Variants in STIMATE observed in about 807,000 individuals in gnomAD.
STIMATE encodes the protein STIM activating enhancer.
Under a neutral mutation model 36.7 loss-of-function variants are expected in STIMATE, and 15 were observed. The observed-to-expected ratio is 0.41, with a 90% CI of 0.27 to 0.63. STIMATE has a LOEUF of 0.63. STIMATE is among the 20% of genes least tolerant of loss of function. The probability of loss-of-function intolerance (pLI) is 0.32; values close to 1 mark genes in which losing one functional copy is unlikely to be tolerated. For synonymous variants in STIMATE, 163 were observed against 162.3 expected (o/e 1.00, Z -0.03); for missense variants, 305 against 397.3 (o/e 0.77, Z 1.98).
At chr3:52,859,975 G>C (rs11706144) in intron 1 of STIMATE, among the ~76,000 whole-genome samples, 1 of 151,200 alleles carries the variant, frequency 6.6e-6, no homozygotes, top group Non-Finnish European at 1.5e-5. Context: ...TTCTGAATCA[G>C]AGCAGAAGTG....
chr3:52,879,612 T>C (rs1701568315), intron 1 of STIMATE, among the ~76,000 whole-genome samples: 1 of 151,198 alleles, frequency 6.6e-6, no homozygotes, highest in Non-Finnish European at 1.5e-5. Context: ...AAAGGGAGAG[T>C]CTCAGTCAGA....
At chr3:52,881,463 C>T (rs1041248108) in intron 1 of STIMATE, among the ~76,000 whole-genome samples, 9 of 151,778 alleles carry the variant, frequency 5.9e-5, no homozygotes, top group African/African-American at 1.7e-4. Flanking sequence ...CCAGCACTTT[C>T]GGAGGCCAAG....
rs1464417978 is a variant in STIMATE at position 52,896,216 on chromosome 3, C to T, written c.160+1075G>A. Among the ~76,000 whole-genome samples, 3 of 152,200 alleles carry T rather than the reference C, an allele frequency of 2.0e-5. No individual in the cohort carries two copies. The East Asian group carries it at 5.8e-4, about 29-fold the overall frequency. ...CTGGACCCCACAAGACAAAGGCACA[C>T]AGCTGCAAGATCCCTCCTGAGTACC... On this transcript the variant is annotated intron_variant, in intron 1 of 7. Transcript: ENST00000355083.
intron 1 of STIMATE, among the ~76,000 whole-genome samples, chr3:52,877,886 G>C (rs1178651917): frequency 5.9e-5 from 9 of 152,136 alleles, no homozygotes; most frequent in Non-Finnish European, 1.2e-4. Flanking sequence ...ACGAGGTCAG[G>C]AGATCGAGAC....
chr3:52,849,899 A>G lies in STIMATE; in HGVS notation c.320T>C (p.Phe107Ser), dbSNP rs1400156316. Residue 107 changes from phenylalanine (F) to serine (S), a missense_variant, in exon 4 of 8, where the codon TTC becomes TCC. By Grantham distance (155) the Phe-to-Ser change is radical (BLOSUM62 -2). Coordinates refer to ENST00000355083, the MANE Select transcript of STIMATE (RefSeq NM_198563.5). ...CATGCCCACAGTGGCGTCCAGGAGGAAGTTGATGAGGTACCTGTGAGGACA... is the reference window on the plus strand; with the variant it reads ...CATGCCCACAGTGGCGTCCAGGAGGGAGTTGATGAGGTACCTGTGAGGACA... ...EDPCSLYLIN[F>S]LLDATVGMLL... 6.2e-7 allele frequency: 1 copy of G among 1,613,610 alleles called. No individual in the cohort carries two copies. The highest frequency in any genetic ancestry group is 8.5e-7 in the Non-Finnish European group (1 of 1,179,864).
At chr3:52,891,990 C>T (rs1034292376) in intron 1 of STIMATE, among the ~76,000 whole-genome samples, 1 of 152,158 alleles carries the variant, frequency 6.6e-6, no homozygotes, top group Admixed American at 6.5e-5. Context: ...TTGAGAAATG[C>T]AGAAGTTGCT....
chr3:52,875,387 A>C (rs955897910), intron 1 of STIMATE, among the ~76,000 whole-genome samples: 3 of 152,106 alleles, frequency 2.0e-5, no homozygotes, highest in Non-Finnish European at 4.4e-5. Flanking sequence ...CCCACCACAG[A>C]AGCTCATCCT....
chr3:52,843,021 C>G (rs976994015), intron 6 of STIMATE, 61 bp from the exon 7 acceptor site: 15 of 1,607,326 alleles, frequency 9.3e-6, no homozygotes, highest in East Asian at 2.2e-5. Context: ...CAAAGCCGAA[C>G]AGCCCCCATC....
intron 1 of STIMATE, among the ~76,000 whole-genome samples, chr3:52,892,463 T>G (rs986115660): frequency 1.3e-5 from 2 of 152,110 alleles, no homozygotes; most frequent in Non-Finnish European, 2.9e-5. Flanking sequence ...CAGCTTGGCA[T>G]GAAAAAAGGG....
intron 1 of STIMATE, among the ~76,000 whole-genome samples, chr3:52,885,205 T>A (rs1187098300): frequency 6.6e-6 from 1 of 152,240 alleles, no homozygotes; most frequent in Non-Finnish European, 1.5e-5. Context: ...TCATTGGCCA[T>A]TTGTATATCT....
chr3:52,886,155 C>T (rs189128173), intron 1 of STIMATE, among the ~76,000 whole-genome samples: 43 of 152,242 alleles, frequency 2.8e-4, no homozygotes, highest in Non-Finnish European at 5.0e-4. Context: ...TTCAGTGAGG[C>T]TCTCAGTCAA....
intron 1 of STIMATE, among the ~76,000 whole-genome samples, chr3:52,880,113 A>G (rs1701576693): frequency 6.6e-6 from 1 of 152,252 alleles, no homozygotes; most frequent in South Asian, 2.1e-4. Context: ...GCTCCCACTC[A>G]GAAAGGCCAA....
chr3:52,861,084 A>C (rs1701208837), intron 1 of STIMATE, among the ~76,000 whole-genome samples: 1 of 152,214 alleles, frequency 6.6e-6, no homozygotes, highest in Non-Finnish European at 1.5e-5. Context: ...AGCCAGAGCC[A>C]GGAAAGCATA....
At position 52,836,827 on chromosome 3, in the gene STIMATE, C is replaced by T. The variant is rs1436882293; in HGVS notation, c.*3667G>A. On this transcript the variant is annotated 3_prime_UTR_variant, in exon 8 of 8. Coordinates refer to ENST00000355083, the MANE Select transcript of STIMATE (RefSeq NM_198563.5). Reference sequence around the variant, plus strand: ...CATCTTCTCTTTCATTTCAAAAAAACGTTTCCATGAATCCTACCACCACCG... The same window carrying T: ...CATCTTCTCTTTCATTTCAAAAAAATGTTTCCATGAATCCTACCACCACCG... 6 of 282,006 alleles carry T rather than the reference C, an allele frequency of 2.1e-5. No individual in the cohort carries two copies. Among genetic ancestry groups the T allele is most frequent in the Non-Finnish European group, 3.6e-5 (5 of 137,972 alleles). 17.5% of individuals were successfully genotyped at this position (282,006 alleles called of 1,614,324 possible). A position where few individuals can be genotyped will look rare whatever the true frequency, so the allele number is the denominator to read the frequency against.
intron 4 of STIMATE, among the ~76,000 whole-genome samples, chr3:52,847,906 G>A (rs1320454251): frequency 1.3e-5 from 2 of 152,182 alleles, no homozygotes; most frequent in Non-Finnish European, 2.9e-5. Flanking sequence ...AGCGACTCTT[G>A]TTGGCTTGGA....
At chr3:52,884,347 G>A (rs1424367260) in intron 1 of STIMATE, among the ~76,000 whole-genome samples, 1 of 151,370 alleles carries the variant, frequency 6.6e-6, no homozygotes, top group Non-Finnish European at 1.5e-5. Flanking sequence ...CCGGGTTCAA[G>A]CGATTCTCCT....
chr3:52,884,702 A>G (rs560324845), intron 1 of STIMATE, among the ~76,000 whole-genome samples: 1 of 152,284 alleles, frequency 6.6e-6, no homozygotes, highest in South Asian at 2.1e-4. Flanking sequence ...TGCTCAGCAT[A>G]CTCAACCATG....
At chr3:52,894,236 C>A (rs989793578) in intron 1 of STIMATE, among the ~76,000 whole-genome samples, 3 of 152,172 alleles carry the variant, frequency 2.0e-5, no homozygotes, top group African/African-American at 7.2e-5. Flanking sequence ...TCTTTCCTTG[C>A]GTACACAGGG....
chr3:52,855,146 T>A (rs890188884), intron 2 of STIMATE, among the ~76,000 whole-genome samples: 1 of 152,182 alleles, frequency 6.6e-6, no homozygotes, highest in Non-Finnish European at 1.5e-5. Flanking sequence ...GTATCTTCCA[T>A]CTTCTAGAAG....
Sources: allele counts gnomAD v4.1 joint callset (sites outside exome capture counted in the v4.1 genomes callset), GRCh38; gene constraint gnomAD v4.1.1; transcripts MANE v1.5; gene names NCBI Gene and HGNC (gene_info 2026-07-23, HGNC 2026-07-21).